GATD1: variants seen among roughly 807,000 people sequenced by gnomAD.
GATD1 encodes the protein glutamine amidotransferase-like class 1 domain-containing protein 1.
Under a neutral mutation model 25.9 loss-of-function variants are expected in GATD1, and 23 were observed. The ratio of observed to expected loss-of-function variants is 0.89; its 90% CI spans 0.64 to 1.26. The LOEUF is 1.26. GATD1 is among the 50% of genes most tolerant of loss of function. The pLI, the probability that GATD1 is intolerant of heterozygous loss-of-function variation, is 0.00. For synonymous variants in GATD1, 177 were observed against 134.6 expected (o/e 1.31, Z -2.18); for missense variants, 347 against 312.5 (o/e 1.11, Z -0.83).
rs1461784020 is a variant in GATD1, at chr11:770,906, G to A, written c.657-3C>T. Reference sequence around the variant, plus strand: ...CATCTACCCAGCAGGTTCATTTCCTGCAGGACAGACGTGTGGTCAAAGCTT... The same window carrying A: ...CATCTACCCAGCAGGTTCATTTCCTACAGGACAGACGTGTGGTCAAAGCTT... On this transcript the variant is annotated splice_region_variant and splice_polypyrimidine_tract_variant and intron_variant, in intron 7 of 7. Coordinates refer to ENST00000319863, the MANE Select transcript of GATD1 (RefSeq NM_182612.4). 3 of 1,609,706 alleles carry A rather than the reference G, an allele frequency of 1.9e-6. No homozygotes were observed. The highest frequency in any genetic ancestry group is 2.5e-6 in the Non-Finnish European group (3 of 1,177,304).
Position 769,842 on chromosome 11 carries a change from T to A in GATD1, c.*1055A>T. On this transcript the variant is annotated 3_prime_UTR_variant, in exon 8 of 8. Coordinates refer to ENST00000319863, the MANE Select transcript of GATD1 (RefSeq NM_182612.4). The stretch of plus-strand genomic sequence containing the variant: ...CATGTTAGCCAGGATGGTCTCGATC[T>A]CCTGACCTCGTGATCCGCCCGCCTC... 1.2e-6 allele frequency: 1 copy of A among 802,574 alleles called. No individual in the cohort carries two copies. Among genetic ancestry groups the A allele is most frequent in the Non-Finnish European group, 1.5e-6 (1 of 665,784 alleles). The allele number at this position is 802,574 out of a possible 1,614,324, so 49.7% of individuals were successfully genotyped here. A position where few individuals can be genotyped will look rare whatever the true frequency, so the allele number is the denominator to read the frequency against.
At chr11:771,650 G>C (rs1439725392) in intron 5 of GATD1, among the ~76,000 whole-genome samples, 2 of 152,198 alleles carry the variant, frequency 1.3e-5, no homozygotes, top group African/African-American at 4.8e-5. Context: ...CACTACAGGA[G>C]GACGGGCCAG....
intron 3 of GATD1, 77 bp from the exon 4 acceptor site, chr11:773,706 G>A (rs1213785435): frequency 4.5e-6 from 5 of 1,115,540 alleles, no homozygotes; most frequent in Non-Finnish European, 6.5e-6. Flanking sequence ...CGAGTGCGTG[G>A]CCAGGACAGA....
intron 1 of GATD1, 169 bp downstream of exon 1, chr11:777,230 C>A (rs1277630264): frequency 4.9e-5 from 13 of 266,030 alleles, no homozygotes; most frequent in Non-Finnish European, 8.1e-5. Context: ...CCCCGAGCTC[C>A]ATCCCGACAC....
intron 6 of GATD1, 39 bp from the exon 7 acceptor site, chr11:771,143 A>G: frequency 6.4e-7 from 1 of 1,555,396 alleles, no homozygotes; most frequent in Non-Finnish European, 8.7e-7. Flanking sequence ...GGCAATGTCC[A>G]CCTCACCCAC....
intron 1 of GATD1, among the ~76,000 whole-genome samples, chr11:775,976 C>CTTTTTT (rs71022972): frequency 0.02 from 1,435 of 72,312 alleles, 181 homozygotes; most frequent in Non-Finnish European, 0.022. Flanking sequence ...TATCTTCATT[C>CTTTTTT]TTTTTTTTTT....
At chr11:771,239 G>C (rs1863411513) in intron 6 of GATD1, 94 bp downstream of exon 6, 1 of 1,551,106 alleles carries the variant, frequency 6.4e-7, no homozygotes, top group Non-Finnish European at 8.7e-7. Flanking sequence ...GGGGTCTATA[G>C]AACCCAGGGC....
chr11:777,084 ACGT>A (rs1864065212), intron 1 of GATD1: 1 of 227,718 alleles, frequency 4.4e-6, no homozygotes, highest in East Asian at 8.9e-5. Flanking sequence ...TCCGCTAGAA[ACGT>A]CGGGCCCGGG....
Position 768,182 on chromosome 11 carries a change from T to C in GATD1, c.*2715A>G, listed in dbSNP as rs1429956671. Reference sequence around the variant, plus strand: ...CAGTATTTTCTTATAGGAGCCCAAATGGACTAGGACATTAAGACATGAGCT... The same window carrying C: ...CAGTATTTTCTTATAGGAGCCCAAACGGACTAGGACATTAAGACATGAGCT... On this transcript the variant is annotated 3_prime_UTR_variant, in exon 8 of 8. Transcript: ENST00000319863. 1.3e-5 allele frequency: 2 copies of C among 151,180 alleles called. No individual in the cohort carries two copies. Among genetic ancestry groups the C allele is most frequent in the Non-Finnish European group, 2.9e-5 (2 of 68,010 alleles). The allele number at this position is 151,180 out of a possible 1,614,324, so 9.4% of individuals were successfully genotyped here. A position where few individuals can be genotyped will look rare whatever the true frequency, so the allele number is the denominator to read the frequency against.
At chr11:776,955 G>A (rs1389079185) in intron 1 of GATD1, 3 of 153,594 alleles carry the variant, frequency 2.0e-5, no homozygotes, top group Admixed American at 6.5e-5. Context: ...GAAGGTCAGG[G>A]TCCCCGCGGC....
chr11:770,876 G>T lies in GATD1; in HGVS notation c.*21C>A. ...CTGGAGACACCTGGGCTGTCTCAGG[G>T]GGTGCATCTACCCAGCAGGTTCATT... On this transcript the variant is annotated 3_prime_UTR_variant, in exon 8 of 8. Coordinates refer to ENST00000319863, the MANE Select transcript of GATD1 (RefSeq NM_182612.4). 6.3e-7 allele frequency: 1 copy of T among 1,598,082 alleles called. No individual in the cohort carries two copies. The highest frequency in any genetic ancestry group is 1.1e-5 in the South Asian group (1 of 88,492).
rs1429270514 is a variant in GATD1 at position 777,389 on chromosome 11, C to T, written c.64+10G>A. On this transcript the variant is annotated intron_variant, in intron 1 of 7. Transcript: ENST00000319863. ...CTCTTCGGACACTGGCCCCGGCCGCCGGGCCTCACCTTCGGCGGCGCCGCT... is the reference window on the plus strand; with the variant it reads ...CTCTTCGGACACTGGCCCCGGCCGCTGGGCCTCACCTTCGGCGGCGCCGCT... 4.6e-6 allele frequency: 6 copies of T among 1,296,210 alleles called. No homozygotes were observed. The highest frequency in any genetic ancestry group is 3.6e-5 in the Admixed American group (1 of 27,506). 80.3% of individuals were successfully genotyped at this position (1,296,210 alleles called of 1,614,324 possible). A position where few individuals can be genotyped will look rare whatever the true frequency, so the allele number is the denominator to read the frequency against.
At chr11:775,510 C>G (rs1239307291) in intron 1 of GATD1, among the ~76,000 whole-genome samples, 1 of 152,222 alleles carries the variant, frequency 6.6e-6, no homozygotes, top group East Asian at 1.9e-4. Flanking sequence ...CTCCCACACC[C>G]CAGCCTCATC....
At chr11:775,228 C>A (rs551655713) in intron 1 of GATD1, 86 bp from the exon 2 acceptor site, 187 of 1,135,992 alleles carry the variant, frequency 1.6e-4, no homozygotes, top group Admixed American at 4.9e-4. Context: ...ATGGCCTCGA[C>A]TGACCCCAGA....
chr11:769,852 G>C lies in GATD1; in HGVS notation c.*1045C>G. 1 of 865,162 alleles carries C rather than the reference G, an allele frequency of 1.2e-6. No individual in the cohort carries two copies. The highest frequency in any genetic ancestry group is 1.4e-6 in the Non-Finnish European group (1 of 721,714). 53.6% of individuals were successfully genotyped at this position (865,162 alleles called of 1,614,324 possible). ...AGGATGGTCTCGATCTCCTGACCTC[G>C]TGATCCGCCCGCCTCGGCCTCCCAA... On this transcript the variant is annotated 3_prime_UTR_variant, in exon 8 of 8. Transcript: ENST00000319863.
rs758244659 is a variant in GATD1 at position 769,026 on chromosome 11, G to C, written c.*1871C>G. The C allele has an allele frequency of 3.5e-6, 2 of 565,146 alleles. No individual in the cohort carries two copies. The highest frequency in any genetic ancestry group is 4.1e-5 in the African/African-American group (2 of 48,390). 35.0% of individuals were successfully genotyped at this position (565,146 alleles called of 1,614,324 possible). The stretch of plus-strand genomic sequence containing the variant: ...TGAGGCAGGAGAATCGCTTGAACCC[G>C]GGAGACAGAGGTTGCAGTGAGCCAA... On this transcript the variant is annotated 3_prime_UTR_variant, in exon 8 of 8. Transcript: ENST00000319863.
chr11:772,627 T>C (rs1001257493), intron 4 of GATD1, 106 bp from the exon 5 acceptor site: 11 of 1,017,922 alleles, frequency 1.1e-5, no homozygotes, highest in East Asian at 2.6e-5. Flanking sequence ...GCCGCCTGCC[T>C]GGCCCCTCCT....
chr11:775,886 C>A (rs770128501), intron 1 of GATD1, among the ~76,000 whole-genome samples: 8 of 151,158 alleles, frequency 5.3e-5, no homozygotes, highest in African/African-American at 1.2e-4. Context: ...AGAGCACTTA[C>A]AAGTTTATTC....
chr11:767,624 G>T lies in GATD1; in HGVS notation c.*3273C>A. Reference sequence around the variant, plus strand: ...CTCTTCATGCACCCTGCTGTGGCCTGAGCACGTCCCCCCAAAACCCACCTG... The same window carrying T: ...CTCTTCATGCACCCTGCTGTGGCCTTAGCACGTCCCCCCAAAACCCACCTG... On this transcript the variant is annotated 3_prime_UTR_variant, in exon 8 of 8. Transcript: ENST00000319863. The T allele has an allele frequency of 7.4e-7, 1 of 1,344,124 alleles. No individual in the cohort carries two copies. The highest frequency in any genetic ancestry group is 2.9e-5 in the East Asian group (1 of 34,106). The allele number at this position is 1,344,124 out of a possible 1,614,324, so 83.3% of individuals were successfully genotyped here. A position where few individuals can be genotyped will look rare whatever the true frequency, so the allele number is the denominator to read the frequency against.
Sources: allele counts gnomAD v4.1 joint callset (sites outside exome capture counted in the v4.1 genomes callset), GRCh38; gene constraint gnomAD v4.1.1; transcripts MANE v1.5; gene names NCBI Gene and HGNC (gene_info 2026-07-23, HGNC 2026-07-21).